Variants in SYNE1 observed in about 807,000 individuals in gnomAD.
SYNE1 encodes the protein nesprin-1.
Under a neutral mutation model 1,111.0 loss-of-function variants are expected in SYNE1, and 616 were observed. The observed-to-expected ratio is 0.55, with a 90% confidence interval of 0.52 to 0.59. SYNE1 has a LOEUF of 0.59. Among genes scored for constraint, SYNE1 ranks in the 20% least tolerant of loss-of-function variants. The pLI is 0.00. For missense variants in SYNE1, 10,006 were observed against 10,417.0 expected (o/e 0.96, Z 1.72); for synonymous variants, 3,855 against 3,825.8 (o/e 1.01, Z -0.28).
Position 152,269,324 on chromosome 6 carries a change from A to G in SYNE1, c.18574-38T>C, listed in dbSNP as rs575671830. The G allele has an allele frequency of 3.0e-5, 49 of 1,613,418 alleles. No homozygotes were observed. In the South Asian group the frequency reaches 5.3e-4, roughly 17 times the overall value. On this transcript the variant is annotated intron_variant, in intron 98 of 145. Coordinates refer to ENST00000367255, the MANE Select transcript of SYNE1 (RefSeq NM_182961.4). The stretch of plus-strand genomic sequence containing the variant: ...AGGCAGAAATCAAGTCATGCTACAC[A>G]CCGGAAAACCTTAACCAAAGGGGAG...
At chr6:152,271,223 CCTTT>C (rs2093178957) in intron 98 of SYNE1, among the ~76,000 whole-genome samples, 1 of 151,966 alleles carries the variant, frequency 6.6e-6, no homozygotes, top group African/African-American at 2.4e-5. Flanking sequence ...GATCTGTTTA[CCTTT>C]CTGTTTCTTC....
intron 91 of SYNE1, among the ~76,000 whole-genome samples, chr6:152,304,475 T>C (rs1210057550): frequency 6.6e-6 from 1 of 152,138 alleles, no homozygotes; most frequent in Admixed American, 6.5e-5. Flanking sequence ...GCTGGAATTA[T>C]AGGCACGCGC....
At chr6:152,460,403 G>T (rs1394922017) in intron 21 of SYNE1, among the ~76,000 whole-genome samples, 2 of 151,820 alleles carry the variant, frequency 1.3e-5, no homozygotes, top group African/African-American at 4.8e-5. Flanking sequence ...CTTTTTTATG[G>T]TCATGATTTT....
intron 3 of SYNE1, among the ~76,000 whole-genome samples, chr6:152,617,658 T>C (rs2099661513): frequency 6.6e-6 from 1 of 152,208 alleles, no homozygotes; most frequent in Non-Finnish European, 1.5e-5. Context: ...ACTTTCAAGG[T>C]TCTAATACAC....
rs773060979 is a variant in SYNE1, at chr6:152,149,623, T to C, written c.24496A>G (p.Ile8166Val). The change falls in exon 136 of 146, where the codon ATA (isoleucine) becomes GTA (valine). Residue 8166 changes from isoleucine to valine, a missense_variant. Coordinates refer to ENST00000367255, the MANE Select transcript of SYNE1 (RefSeq NM_182961.4). Reference protein sequence around the residue: ...ISLNHNKIEQIIAQGEQLIEK... With the variant: ...ISLNHNKIEQVIAQGEQLIEK... ...ATCAGCTGTTCTCCTTGGGCAATTA[T>C]CTGCTCAATCTTATTGTGGTTCAGT... 4 of 1,614,072 alleles carry C rather than the reference T, an allele frequency of 2.5e-6. No homozygotes were observed. The East Asian group carries it at 8.9e-5, about 36-fold the overall frequency.
intron 8 of SYNE1, among the ~76,000 whole-genome samples, chr6:152,505,690 C>T (rs981656000): frequency 7.2e-5 from 11 of 152,142 alleles, no homozygotes; most frequent in East Asian, 1.9e-4. Flanking sequence ...TACAGTCCTC[C>T]GCTCTACCAG....
chr6:152,341,687 C>T (rs1321971054), intron 74 of SYNE1, among the ~76,000 whole-genome samples: 1 of 152,184 alleles, frequency 6.6e-6, no homozygotes, highest in Non-Finnish European at 1.5e-5. Flanking sequence ...TCCAAGCTCA[C>T]CAGCCACTAA....
chr6:152,239,561 C>T lies in SYNE1; in HGVS notation c.20039G>A (p.Arg6680Lys). 1 of 1,614,190 alleles carries T rather than the reference C, an allele frequency of 6.2e-7. No individual in the cohort carries two copies. Among genetic ancestry groups the T allele is most frequent in the Non-Finnish European group, 8.5e-7 (1 of 1,180,042 alleles). ...TAGAATGTACTCCAGCTCCACACCC[C>T]TCTTGTGAGCCCGTTTCAGTACAGC... is the stretch of plus-strand genomic sequence containing the variant. ...ASAVLKRAHKRGVELEYILET... is the reference protein window; with the variant it reads ...ASAVLKRAHKKGVELEYILET... Residue 6680 changes from arginine (R) to lysine (K), a missense_variant, in exon 108 of 146, where the codon AGG (arginine) becomes AAG (lysine). Physicochemically the swap from Arg to Lys is conservative, Grantham distance 26 (BLOSUM62 2). Coordinates refer to ENST00000367255, the MANE Select transcript of SYNE1 (RefSeq NM_182961.4).
chr6:152,435,054 A>C (rs2098460888), intron 33 of SYNE1: 1 of 152,188 alleles, frequency 6.6e-6, no homozygotes, highest in Non-Finnish European at 1.5e-5. Flanking sequence ...ATGTAATATA[A>C]AGTCCTCAAA....
chr6:152,397,729 A>C (rs1443964721), intron 49 of SYNE1, among the ~76,000 whole-genome samples: 8 of 152,144 alleles, frequency 5.3e-5, no homozygotes, highest in African/African-American at 1.9e-4. Flanking sequence ...TTGGCCGGGC[A>C]TGGTGGCTCA....
rs1588441873 is a variant in SYNE1 at position 152,236,838 on chromosome 6, A to G, written c.20178T>C (p.Ile6726=). 1.5e-5 allele frequency: 24 copies of G among 1,614,038 alleles called. No homozygotes were observed. Among genetic ancestry groups the G allele is most frequent in the Non-Finnish European group, 1.9e-5 (23 of 1,180,022 alleles). The change falls in exon 109 of 146, where the codon ATT becomes ATC. Residue 6726 remains isoleucine (I), a synonymous_variant. Coordinates refer to ENST00000367255, the MANE Select transcript of SYNE1 (RefSeq NM_182961.4). ...CAACCTGGTAGAGTGTTATGCGGTC[A>G]ATAAGCCTGTCCTCGTTCTCCTCCA... The part of the protein sequence containing the change: ...GLVEENEDRL[I]DRITLYQHLK...
chr6:152,628,044 C>CAAAAAAAAAAAAA (rs66815986), intron 3 of SYNE1, among the ~76,000 whole-genome samples: 5 of 103,350 alleles, frequency 4.8e-5, no homozygotes, highest in Admixed American at 1.1e-4. Flanking sequence ...CACAAAATTA[C>CAAAAAAAAAAAAA]AAAAAAAAAA....
rs752751822 is a variant in SYNE1 at position 152,462,737 on chromosome 6, C to T, written c.2250+1G>A. The T allele has an allele frequency of 6.2e-7, 1 of 1,614,008 alleles. No individual in the cohort carries two copies. The highest frequency in any genetic ancestry group is 1.1e-5 in the South Asian group (1 of 91,078). ...TTCATTTTGATTCAGAAACCCCTCA[C>T]CTCCAAGTCTTGAATTAATAGCTTG... is the stretch of plus-strand genomic sequence containing the variant. On this transcript the variant is annotated splice_donor_variant, in intron 20 of 145. Coordinates refer to ENST00000367255, the MANE Select transcript of SYNE1 (RefSeq NM_182961.4). LOFTEE classifies it high-confidence loss of function.
chr6:152,277,852 TGCCTCCACCA>T, intron 98 of SYNE1: 6 of 570,366 alleles, frequency 1.1e-5, no homozygotes, highest in Admixed American at 5.2e-5. Context: ...GAGTGCTTTT[TGCCTCCACCA>T]CTCCGCTGAA....
intron 145 of SYNE1, chr6:152,125,170 A>C: frequency 7.0e-7 from 1 of 1,431,404 alleles, no homozygotes. Flanking sequence ...TCAGGCTTCC[A>C]AAATCCCTGC....
chr6:152,380,106 G>A (rs926695), intron 56 of SYNE1, among the ~76,000 whole-genome samples: 15,724 of 152,194 alleles, frequency 0.1, 2,280 homozygotes, highest in African/African-American at 0.33. Context: ...ATTATAAATA[G>A]AGTAGCATAA....
chr6:152,302,183 G>A (rs2095209737), intron 91 of SYNE1, 120 bp from the exon 92 acceptor site: 1 of 1,366,046 alleles, frequency 7.3e-7, no homozygotes, highest in Non-Finnish European at 1.0e-6. Flanking sequence ...GGCCCGGGAG[G>A]CAGGATGTGT....
At position 152,515,375 on chromosome 6, in the gene SYNE1, G is replaced by A. The variant is rs533910946; in HGVS notation, c.310-4272C>T. Among the ~76,000 whole-genome samples the A allele has an allele frequency of 2.0e-5, 3 of 152,158 alleles. No individual in the cohort carries two copies. The South Asian group carries it at 6.2e-4, about 32-fold the overall frequency. On this transcript the variant is annotated intron_variant, in intron 6 of 145. Coordinates refer to ENST00000367255, the MANE Select transcript of SYNE1 (RefSeq NM_182961.4). ...AATCCATTACTGCTTTCCACTAGTT[G>A]CTTTCTACAATGAGGTATCAGGTAC...
chr6:152,330,807 C>T lies in SYNE1; in HGVS notation c.13878G>A (p.Gly4626=), dbSNP rs147931555. 1.5e-5 allele frequency: 24 copies of T among 1,613,742 alleles called. No individual in the cohort carries two copies. Among genetic ancestry groups the T allele is most frequent in the Non-Finnish European group, 1.9e-5 (22 of 1,180,048 alleles). The part of the protein sequence containing the change: ...ENLLLTLQRT[G]QTILPSLNEV... ...CATTCAGCGATGGTAATATGGTCTG[C>T]CCAGTTCTCTGCAGCGTAAGTAGAA... The change falls in exon 78 of 146, where the codon GGG becomes GGA. Residue 4626 remains glycine, a synonymous_variant. Coordinates refer to ENST00000367255, the MANE Select transcript of SYNE1 (RefSeq NM_182961.4).
Sources: allele counts gnomAD v4.1 joint callset (sites outside exome capture counted in the v4.1 genomes callset), GRCh38; gene constraint gnomAD v4.1.1; transcripts MANE v1.5; gene names NCBI Gene and HGNC (gene_info 2026-07-23, HGNC 2026-07-21).